Variants in LRIF1 observed in about 807,000 individuals in gnomAD.
The protein encoded by LRIF1 is ligand-dependent nuclear receptor-interacting factor 1.
In LRIF1, 32 loss-of-function variants were observed where a neutral mutation model predicts 52.7. That is an observed-to-expected ratio of 0.61 (90% CI 0.46 to 0.82). The LOEUF is 0.82. Ranked by LOEUF, LRIF1 falls within the 40% of genes least tolerant of loss-of-function variation. The pLI is 0.00. For synonymous variants in LRIF1, 323 were observed against 317.4 expected (o/e 1.02, Z -0.19); for missense variants, 887 against 892.0 (o/e 0.99, Z 0.07).
the LRIF1 span, among the ~76,000 whole-genome samples, chr1:110,886,942 C>T: frequency 6.8e-6 from 1 of 146,530 alleles, no homozygotes; most frequent in Non-Finnish European, 1.5e-5. Flanking sequence ...TTTTTTTCTT[C>T]AGCAATATCT....
At chr1:110,935,341 A>G in the LRIF1 span, among the ~76,000 whole-genome samples, 1 of 152,224 alleles carries the variant, frequency 6.6e-6, no homozygotes, top group Non-Finnish European at 1.5e-5. Flanking sequence ...TGAACTAAAT[A>G]AGGTACCAAG....
chr1:110,884,296 C>T, the LRIF1 span, among the ~76,000 whole-genome samples: 2 of 152,002 alleles, frequency 1.3e-5, no homozygotes, highest in African/African-American at 4.8e-5. Flanking sequence ...TATTTAGTTT[C>T]CCAATTTGAG....
the LRIF1 span, among the ~76,000 whole-genome samples, chr1:110,913,616 G>T: frequency 1.3e-5 from 2 of 152,120 alleles, no homozygotes; most frequent in South Asian, 4.1e-4. Context: ...AGTCAGAATG[G>T]CTATTACTAA....
the LRIF1 span, among the ~76,000 whole-genome samples, chr1:110,896,336 G>A: frequency 2.0e-5 from 3 of 152,290 alleles, no homozygotes; most frequent in South Asian, 6.2e-4. Context: ...TCCTTTCTGT[G>A]ATCTTAAGAT....
chr1:110,963,780 T>C lies in LRIF1; in HGVS notation c.-92A>G. On this transcript the variant is annotated 5_prime_UTR_variant, in exon 1 of 4. Transcript: ENST00000369763. ...GGGCGAGAACCAGAGCGAGGGAATGTTGGGCTGGAGTTGCCCACAGCAACT... is the reference window on the plus strand; with the variant it reads ...GGGCGAGAACCAGAGCGAGGGAATGCTGGGCTGGAGTTGCCCACAGCAACT... 1 of 1,085,196 alleles carries C rather than the reference T, an allele frequency of 9.2e-7. No homozygotes were observed. Among genetic ancestry groups the C allele is most frequent in the Non-Finnish European group, 1.4e-6 (1 of 736,138 alleles). The allele number at this position is 1,085,196 out of a possible 1,614,324, so 67.2% of individuals were successfully genotyped here.
At chr1:110,914,197 G>A in the LRIF1 span, among the ~76,000 whole-genome samples, 90,059 of 151,816 alleles carry the variant, frequency 0.59, 27,225 homozygotes, top group East Asian at 0.83. Flanking sequence ...AAAATGCCTA[G>A]TGAGTACTAT....
chr1:110,884,807 T>G, the LRIF1 span, among the ~76,000 whole-genome samples: 1 of 151,680 alleles, frequency 6.6e-6, no homozygotes, highest in Admixed American at 6.6e-5. Flanking sequence ...TCTTTTTCCA[T>G]CCTTTTACTT....
chr1:110,947,827 G>T lies in LRIF1; in HGVS notation c.*132C>A. ...ATCAACCTTTTCTGTATTCCTTAAAGTTGTACAATCGACTGATGAAAAAAC... is the reference window on the plus strand; with the variant it reads ...ATCAACCTTTTCTGTATTCCTTAAATTTGTACAATCGACTGATGAAAAAAC... On this transcript the variant is annotated 3_prime_UTR_variant, in exon 4 of 4. Transcript: ENST00000369763. 1 of 1,259,600 alleles carries T rather than the reference G, an allele frequency of 7.9e-7. No homozygotes were observed. The highest frequency in any genetic ancestry group is 1.1e-6 in the Non-Finnish European group (1 of 939,556). 78.0% of individuals were successfully genotyped at this position (1,259,600 alleles called of 1,614,324 possible).
chr1:110,949,802 T>A (rs1658383360), intron 3 of LRIF1, 49 bp downstream of exon 3: 2 of 1,532,802 alleles, frequency 1.3e-6, no homozygotes, highest in East Asian at 2.3e-5. Context: ...GTAATATTCA[T>A]GTATCATTTG....
downstream of LRIF1, chr1:110,945,211 G>C (rs1180076995): frequency 6.6e-6 from 1 of 152,042 alleles, no homozygotes; most frequent in East Asian, 1.9e-4. Context: ...ATTCAGAATA[G>C]TGTAAATAAG....
the LRIF1 span, among the ~76,000 whole-genome samples, chr1:110,886,869 A>ATATATATATATATATATTTTT: frequency 6.0e-5 from 5 of 82,790 alleles, no homozygotes; most frequent in Non-Finnish European, 1.1e-4. Context: ...ATATATATAT[A>ATATATATATATATATATTTTT]TTTTTTTTTT....
At chr1:110,892,747 G>T in the LRIF1 span, 2 of 493,858 alleles carry the variant, frequency 4.0e-6, no homozygotes, top group Non-Finnish European at 3.6e-6. Flanking sequence ...TATCCCCCTT[G>T]TAGCCATTTT....
In LRIF1 at chr1:110,947,618, G is replaced by A. The variant is rs1281684685; in HGVS notation, c.*341C>T. On this transcript the variant is annotated 3_prime_UTR_variant, in exon 4 of 4. Coordinates refer to ENST00000369763, the MANE Select transcript of LRIF1 (RefSeq NM_018372.4). ...CAGTAATACACAGTCACTATCTACT[G>A]CTGGAATAATGCCTGAGCAATTTAG... 1 of 177,818 alleles carries A rather than the reference G, an allele frequency of 5.6e-6. No homozygotes were observed. The highest frequency in any genetic ancestry group is 2.4e-5 in the African/African-American group (1 of 42,166). 11.0% of individuals were successfully genotyped at this position (177,818 alleles called of 1,614,324 possible).
chr1:110,897,790 T>A, the LRIF1 span: 2 of 1,492,166 alleles, frequency 1.3e-6, no homozygotes, highest in Non-Finnish European at 1.9e-6. Context: ...GTATCATTTG[T>A]AACTGAAATG....
the LRIF1 span, among the ~76,000 whole-genome samples, chr1:110,901,032 T>C: frequency 5.9e-5 from 9 of 152,312 alleles, 1 homozygote; most frequent in South Asian, 1.9e-3. Flanking sequence ...AAGTTTTATG[T>C]ATCATCTCCC....
At chr1:110,903,726 C>T in the LRIF1 span, among the ~76,000 whole-genome samples, 28 of 152,284 alleles carry the variant, frequency 1.8e-4, no homozygotes, top group African/African-American at 6.5e-4. Flanking sequence ...GCTGAAACTC[C>T]TTCTACTTGA....
chr1:110,896,090 T>C, the LRIF1 span, among the ~76,000 whole-genome samples: 1 of 152,256 alleles, frequency 6.6e-6, no homozygotes, highest in Non-Finnish European at 1.5e-5. Flanking sequence ...TCTATAATAG[T>C]ACACCTCTTT....
intron 1 of LRIF1, among the ~76,000 whole-genome samples, chr1:110,960,350 T>C (rs1461768326): frequency 6.6e-6 from 1 of 151,970 alleles, no homozygotes; most frequent in African/African-American, 2.4e-5. Flanking sequence ...ACAGACACAC[T>C]CAAATCACAA....
At chr1:110,876,528 TA>T in the LRIF1 span, among the ~76,000 whole-genome samples, 5 of 152,288 alleles carry the variant, frequency 3.3e-5, no homozygotes, top group Middle Eastern at 3.4e-3. Flanking sequence ...GATTGAGGAA[TA>T]GGGGTAAGAA....
Sources: allele counts gnomAD v4.1 joint callset (sites outside exome capture counted in the v4.1 genomes callset), GRCh38; gene constraint gnomAD v4.1.1; transcripts MANE v1.5; gene names NCBI Gene and HGNC (gene_info 2026-07-23, HGNC 2026-07-21).